The following CLCN3 variants were observed in gnomAD, a reference collection of about 807,000 sequenced individuals.
The protein encoded by CLCN3 is H(+)/Cl(-) exchange transporter 3.
CLCN3 carries 16 observed loss-of-function variants against 83.4 expected under a neutral mutation model. The observed-to-expected ratio is 0.19, with a 90% confidence interval of 0.13 to 0.29. The LOEUF (loss-of-function observed/expected upper bound fraction) is 0.29, where lower values mean the gene tolerates loss of function less well. Ranked by LOEUF, CLCN3 falls within the 10% of genes least tolerant of loss-of-function variation. CLCN3 has a pLI of 1.00. For synonymous variants in CLCN3, 322 were observed against 346.2 expected (o/e 0.93, Z 0.78); for missense variants, 544 against 1,006.0 (o/e 0.54, Z 6.21).
intron 2 of CLCN3, among the ~76,000 whole-genome samples, chr4:169,667,316 C>T (rs530382542): frequency 1.6e-3 from 239 of 151,274 alleles, no homozygotes; most frequent in African/African-American, 5.2e-3. Flanking sequence ...TCTTTTTAAC[C>T]GCTGTTACTC....
intron 2 of CLCN3, among the ~76,000 whole-genome samples, chr4:169,677,964 T>C (rs1731744829): frequency 6.6e-6 from 1 of 152,226 alleles, no homozygotes; most frequent in Non-Finnish European, 1.5e-5. Context: ...ATATAAGATA[T>C]ATGGTGAACA....
chr4:169,667,471 A>G (rs1393612731), intron 2 of CLCN3, among the ~76,000 whole-genome samples: 2 of 152,170 alleles, frequency 1.3e-5, no homozygotes, highest in Non-Finnish European at 2.9e-5. Context: ...TGTCTCTGGA[A>G]AAACTAAAAT....
intron 2 of CLCN3, among the ~76,000 whole-genome samples, chr4:169,665,375 A>G (rs1731206246): frequency 6.6e-6 from 1 of 152,234 alleles, no homozygotes; most frequent in South Asian, 2.1e-4. Context: ...AATATGACTG[A>G]ATGGCTGAAC....
At chr4:169,630,499 A>G (rs1773341969) in intron 1 of CLCN3, among the ~76,000 whole-genome samples, 1 of 152,084 alleles carries the variant, frequency 6.6e-6, no homozygotes. Context: ...TCCATGGTGT[A>G]TATGTACCAT....
At chr4:169,718,834 C>T (rs1428769715) in intron 12 of CLCN3, among the ~76,000 whole-genome samples, 3 of 152,180 alleles carry the variant, frequency 2.0e-5, no homozygotes, top group African/African-American at 4.8e-5. Flanking sequence ...CGTAGCTACT[C>T]ATTCATTCTG....
At chr4:169,692,468 A>G in intron 7 of CLCN3, 148 bp downstream of exon 7, 2 of 371,406 alleles carry the variant, frequency 5.4e-6, no homozygotes, top group Middle Eastern at 7.7e-4. Context: ...TGAATAATCT[A>G]TAACATCTTT....
intron 9 of CLCN3, among the ~76,000 whole-genome samples, chr4:169,699,851 C>T (rs1483506029): frequency 6.6e-6 from 1 of 152,084 alleles, no homozygotes; most frequent in Non-Finnish European, 1.5e-5. Context: ...CACTGCACTC[C>T]AGCCCAGGCA....
rs1733651629 is a variant in CLCN3 at position 169,721,933 on chromosome 4, C to T, written c.*1936C>T. On this transcript the variant is annotated 3_prime_UTR_variant, in exon 13 of 13. Transcript: ENST00000513761. The stretch of plus-strand genomic sequence containing the variant: ...CTGGGCTCAAGTGATACTCCCGCCT[C>T]AGCCACCCAAGTAGCTGGCACTACG... 6.6e-6 allele frequency: 1 copy of T among 152,154 alleles called. No homozygotes were observed. Among genetic ancestry groups the T allele is most frequent in the Non-Finnish European group, 1.5e-5 (1 of 68,060 alleles). The allele number at this position is 152,154 out of a possible 1,614,324, so 9.4% of individuals were successfully genotyped here. A position where few individuals can be genotyped will look rare whatever the true frequency, so the allele number is the denominator to read the frequency against.
At chr4:169,666,687 A>T (rs1233069300) in intron 2 of CLCN3, among the ~76,000 whole-genome samples, 1 of 152,252 alleles carries the variant, frequency 6.6e-6, no homozygotes, top group Non-Finnish European at 1.5e-5. Flanking sequence ...CACATTTCTT[A>T]AAGTATACAT....
At chr4:169,626,051 G>A (rs1445268756) in intron 1 of CLCN3, among the ~76,000 whole-genome samples, 3 of 152,158 alleles carry the variant, frequency 2.0e-5, no homozygotes, top group Non-Finnish European at 4.4e-5. Context: ...AGTGCTAATC[G>A]CAAGCCCCAG....
rs116854691 is a variant in CLCN3, at chr4:169,629,663, G to A, written c.-16-6250G>A. On this transcript the variant is annotated intron_variant, in intron 1 of 12. Coordinates refer to ENST00000513761, the MANE Select transcript of CLCN3 (RefSeq NM_001829.4). ...CGAGATTACAGCTGTGAGCCACTGC[G>A]CCTGGTCTAATGTGACATATTTTGC... Among the ~76,000 whole-genome samples, 25 of 152,270 alleles carry A rather than the reference G, an allele frequency of 1.6e-4. No individual in the cohort carries two copies. In the East Asian group the frequency reaches 4.1e-3, roughly 25 times the overall value.
chr4:169,655,279 C>T lies in CLCN3; in HGVS notation c.160+19191C>T, dbSNP rs76691222. ...GGTAGCATTTATTTTCTAATTGGAA[C>T]ATTTAGTTTGGTTCCACTTAAGGTA... On this transcript the variant is annotated intron_variant, in intron 2 of 12. Transcript: ENST00000513761. Among the ~76,000 whole-genome samples, 623 of 152,206 alleles carry T rather than the reference C, an allele frequency of 4.1e-3. 4 individuals carry two copies. The highest frequency in any genetic ancestry group is 5.9e-3 in the Non-Finnish European group (402 of 68,002).
rs1733020605 is a variant in CLCN3 at position 169,707,061 on chromosome 4, C to T, written c.1944C>T (p.Phe648=). The T allele has an allele frequency of 6.2e-7, 1 of 1,614,106 alleles. No individual in the cohort carries two copies. The highest frequency in any genetic ancestry group is 2.2e-5 in the East Asian group (1 of 44,884). ...GYPFLDAKEE[F]THTTLAADVM... is the part of the protein sequence containing the mutation. ...CTTTCTTGGATGCAAAAGAAGAATTCACTCATACCACCCTGGCTGCTGACG... is the reference window on the plus strand; with the variant it reads ...CTTTCTTGGATGCAAAAGAAGAATTTACTCATACCACCCTGGCTGCTGACG... Residue 648 remains phenylalanine (F), a synonymous_variant, in exon 11 of 13, where the codon TTC becomes TTT. Coordinates refer to ENST00000513761, the MANE Select transcript of CLCN3 (RefSeq NM_001829.4).
At chr4:169,704,234 G>T in intron 10 of CLCN3, 50 bp downstream of exon 10, 1 of 1,549,232 alleles carries the variant, frequency 6.5e-7, no homozygotes, top group Non-Finnish European at 8.8e-7. Context: ...GTCTGAGAGA[G>T]CCAAGAGAAA....
chr4:169,628,432 A>C (rs1435531551), intron 1 of CLCN3, among the ~76,000 whole-genome samples: 1 of 152,238 alleles, frequency 6.6e-6, no homozygotes, highest in Non-Finnish European at 1.5e-5. Context: ...AGTATCTGTA[A>C]TATATAAAGA....
At chr4:169,651,944 T>G (rs1327061478) in intron 2 of CLCN3, among the ~76,000 whole-genome samples, 1 of 152,186 alleles carries the variant, frequency 6.6e-6, no homozygotes, top group Non-Finnish European at 1.5e-5. Flanking sequence ...TAAATAAGAT[T>G]AAACTAGAAG....
intron 7 of CLCN3, among the ~76,000 whole-genome samples, 200 bp downstream of exon 7, chr4:169,692,520 T>C (rs553447061): frequency 6.6e-6 from 1 of 152,328 alleles, no homozygotes; most frequent in African/African-American, 2.4e-5. Flanking sequence ...TCTTACATTT[T>C]AGAGAAGCTT....
At chr4:169,643,476 C>A (rs375629859) in intron 2 of CLCN3, among the ~76,000 whole-genome samples, 1 of 152,080 alleles carries the variant, frequency 6.6e-6, no homozygotes, top group South Asian at 2.1e-4. Context: ...GTTATCCACC[C>A]GCCTCGGCCT....
At chr4:169,708,990 T>C (rs1215839395) in intron 11 of CLCN3, among the ~76,000 whole-genome samples, 1 of 148,380 alleles carries the variant, frequency 6.7e-6, no homozygotes, top group African/African-American at 2.4e-5. Context: ...GTAACTTTTA[T>C]ATGGGAGAGA....
Sources: gnomAD v4.1 joint callset for allele counts (sites outside exome capture counted in the v4.1 genomes callset) on GRCh38, gnomAD v4.1.1 for gene constraint, MANE v1.5 for transcripts, NCBI Gene and HGNC (gene_info 2026-07-23, HGNC 2026-07-21) for gene names.